Variants in SLC9D1 observed in about 807,000 individuals in gnomAD.
The protein encoded by SLC9D1 is solute carrier family 9 member D1, also known as putative LAG1-interacting protein.
the SLC9D1 span, among the ~76,000 whole-genome samples, chr13:113,522,962 A>T: frequency 1.3e-5 from 2 of 152,158 alleles, no homozygotes; most frequent in African/African-American, 2.4e-5. Context: ...GATGGATAAC[A>T]TTGATTTTTG....
chr13:113,547,388 T>G, the SLC9D1 span: 1 of 1,607,320 alleles, frequency 6.2e-7, no homozygotes, highest in Non-Finnish European at 8.5e-7. Flanking sequence ...AGGTATGGAC[T>G]GGAAGGGTCC....
the SLC9D1 span, among the ~76,000 whole-genome samples, chr13:113,523,971 G>A: frequency 7.9e-4 from 120 of 152,266 alleles, no homozygotes; most frequent in Non-Finnish European, 1.5e-3. Context: ...ACTGTGGCGC[G>A]AGAACATTTT....
the SLC9D1 span, chr13:113,498,715 T>G: frequency 2.1e-6 from 1 of 478,710 alleles, no homozygotes; most frequent in South Asian, 2.8e-5. Flanking sequence ...TCCTTTTATA[T>G]TTTTAACACC....
the SLC9D1 span, chr13:113,547,423 A>T: frequency 6.7e-7 from 1 of 1,482,660 alleles, no homozygotes; most frequent in South Asian, 1.1e-5. Flanking sequence ...TTGCAGGCTC[A>T]GCATAGCCCT....
the SLC9D1 span, chr13:113,534,104 C>T: frequency 4.3e-5 from 69 of 1,612,654 alleles, no homozygotes; most frequent in South Asian, 3.3e-4. Context: ...TTTTCACTAG[C>T]GGCGGTTTTT....
At chr13:113,517,235 C>T in the SLC9D1 span, among the ~76,000 whole-genome samples, 1 of 152,118 alleles carries the variant, frequency 6.6e-6, no homozygotes, top group African/African-American at 2.4e-5. Context: ...TTCATGCAGC[C>T]TTTGTTGTTG....
chr13:113,520,620 C>G, the SLC9D1 span: 39 of 1,610,710 alleles, frequency 2.4e-5, no homozygotes, highest in Middle Eastern at 5.0e-4. Context: ...CCACAGGCGA[C>G]ATTGACTACA....
chr13:113,524,462 G>A, the SLC9D1 span, among the ~76,000 whole-genome samples: 3 of 152,280 alleles, frequency 2.0e-5, no homozygotes, highest in Admixed American at 2.0e-4. Flanking sequence ...AGCCTCCTGA[G>A]TAGCTGGGAT....
At chr13:113,503,408 C>T in the SLC9D1 span, 26 of 858,962 alleles carry the variant, frequency 3.0e-5, no homozygotes, top group South Asian at 7.6e-5. Context: ...ATACTTCCAC[C>T]GGGCATACTA....
At chr13:113,533,136 C>T in the SLC9D1 span, among the ~76,000 whole-genome samples, 1 of 116,262 alleles carries the variant, frequency 8.6e-6, no homozygotes, top group East Asian at 2.6e-4. Flanking sequence ...GTGGGCCCTG[C>T]AGCGAGCTCT....
chr13:113,507,632 T>C, the SLC9D1 span, among the ~76,000 whole-genome samples: 1 of 152,250 alleles, frequency 6.6e-6, no homozygotes, highest in Non-Finnish European at 1.5e-5. Context: ...CTCGCTCCTC[T>C]AGCCTGACTT....
chr13:113,547,012 T>C, the SLC9D1 span: 63,012 of 396,866 alleles, frequency 0.16, 5,854 homozygotes, highest in Admixed American at 0.3. Context: ...CCAGACCGAG[T>C]GCCGCCTCTG....
At chr13:113,537,713 G>A in the SLC9D1 span, among the ~76,000 whole-genome samples, 9 of 152,330 alleles carry the variant, frequency 5.9e-5, no homozygotes, top group South Asian at 1.0e-3. Flanking sequence ...GTCAGTGAGC[G>A]TTCTGCTGTG....
At chr13:113,539,724 C>G in the SLC9D1 span, among the ~76,000 whole-genome samples, 2 of 152,116 alleles carry the variant, frequency 1.3e-5, no homozygotes, top group South Asian at 4.1e-4. The surrounding 1 kb of genome is among the most constrained non-coding windows in gnomAD (Gnocchi z 4.8). Flanking sequence ...TTTCTTCTGT[C>G]CAGCTTTTCC....
the SLC9D1 span, among the ~76,000 whole-genome samples, chr13:113,497,074 T>TGACCTGCAGCTGTGTGTCA: frequency 6.6e-6 from 1 of 152,204 alleles, no homozygotes; most frequent in Non-Finnish European, 1.5e-5. Context: ...GTTGCGTGCT[T>TGACCTGCAGCTGTGTGTCA]GACCTGCAGC....
At chr13:113,505,436 A>C in the SLC9D1 span, 1 of 152,260 alleles carries the variant, frequency 6.6e-6, no homozygotes, top group Non-Finnish European at 1.5e-5. Context: ...AAACAGTGGA[A>C]CCAGTCCTGA....
the SLC9D1 span, among the ~76,000 whole-genome samples, chr13:113,518,245 CTT>C: frequency 1.3e-4 from 20 of 152,288 alleles, no homozygotes; most frequent in Admixed American, 2.0e-4. Flanking sequence ...ACTCCGAGCA[CTT>C]GTCTTCCTCC....
the SLC9D1 span, among the ~76,000 whole-genome samples, chr13:113,507,281 A>G: frequency 6.6e-6 from 1 of 152,036 alleles, no homozygotes; most frequent in African/African-American, 2.4e-5. Flanking sequence ...CGGATTGCAG[A>G]TCTGTATCCA....
chr13:113,549,852 T>G, the SLC9D1 span: 1 of 579,096 alleles, frequency 1.7e-6, no homozygotes, highest in Non-Finnish European at 3.0e-6. Flanking sequence ...AATTTTCTAT[T>G]GTGAGTTCAT....
Sources: gnomAD v4.1 joint callset for allele counts (sites outside exome capture counted in the v4.1 genomes callset) on GRCh38, gnomAD v4.1.1 for gene constraint, Gnocchi (gnomAD v3.1) non-coding constraint, MANE v1.5 for transcripts, NCBI Gene and HGNC (gene_info 2026-07-23, HGNC 2026-07-21) for gene names.